The following CAPS2 variants were observed in gnomAD, a reference collection of about 807,000 sequenced individuals.
The protein encoded by CAPS2 is calcyphosine 2, also known as calcyphosin-2.
CAPS2 carries 98 observed loss-of-function variants against 86.5 expected under a neutral mutation model. The observed-to-expected ratio is 1.13, with a 90% confidence interval of 0.96 to 1.34. The LOEUF (loss-of-function observed/expected upper bound fraction) is 1.34. Among genes scored for constraint, CAPS2 ranks in the 40% most tolerant of loss-of-function variants. The pLI, the probability that CAPS2 is intolerant of heterozygous loss-of-function variation, is 0.00. For missense variants in CAPS2, 729 were observed against 686.8 expected (o/e 1.06, Z -0.69); for synonymous variants, 210 against 225.1 (o/e 0.93, Z 0.60).
chr12:75,359,615 T>C (rs1415788538), intron 1 of CAPS2, among the ~76,000 whole-genome samples: 3 of 152,086 alleles, frequency 2.0e-5, no homozygotes, highest in African/African-American at 7.2e-5. Context: ...AACATTGTGG[T>C]ATTTGCATAA....
intron 1 of CAPS2, among the ~76,000 whole-genome samples, chr12:75,358,999 A>T (rs555337078): frequency 6.9e-4 from 104 of 149,766 alleles, no homozygotes; most frequent in African/African-American, 2.5e-3. Flanking sequence ...ATAGAAAAAC[A>T]GACCATAGGA....
At chr12:75,290,490 A>G (rs1593254169) in intron 13 of CAPS2, among the ~76,000 whole-genome samples, 1 of 152,212 alleles carries the variant, frequency 6.6e-6, no homozygotes, top group East Asian at 1.9e-4. Flanking sequence ...TGTATTGACA[A>G]TGATATAATA....
chr12:75,350,332 A>G (rs1328375468), intron 1 of CAPS2, among the ~76,000 whole-genome samples: 1 of 152,224 alleles, frequency 6.6e-6, no homozygotes, highest in Non-Finnish European at 1.5e-5. Flanking sequence ...GAGTCTGGGT[A>G]GTCTGGACAA....
chr12:75,326,499 T>C (rs1052672741), upstream of CAPS2: 1 of 1,532,802 alleles, frequency 6.5e-7, no homozygotes, highest in Non-Finnish European at 8.8e-7. Flanking sequence ...CTAAATCCAT[T>C]TGAGTTCCTG....
intron 5 of CAPS2, among the ~76,000 whole-genome samples, chr12:75,320,035 T>TA (rs1446631902): frequency 2.0e-5 from 3 of 152,076 alleles, no homozygotes; most frequent in Non-Finnish European, 4.4e-5. Flanking sequence ...ATAAGACCAC[T>TA]AAAAACATAT....
chr12:75,309,657 G>A (rs1312440891), intron 7 of CAPS2, among the ~76,000 whole-genome samples: 3 of 152,220 alleles, frequency 2.0e-5, no homozygotes, highest in Non-Finnish European at 4.4e-5. Flanking sequence ...AATTTATTGA[G>A]TTATTTCAAT....
At chr12:75,302,585 G>T (rs2037948100) in intron 8 of CAPS2, among the ~76,000 whole-genome samples, 2 of 152,128 alleles carry the variant, frequency 1.3e-5, no homozygotes, top group Admixed American at 6.6e-5. Flanking sequence ...TTTTGAGACA[G>T]ATATAATCAA....
intron 1 of CAPS2, among the ~76,000 whole-genome samples, chr12:75,362,065 A>G (rs2043632706): frequency 6.6e-6 from 1 of 152,190 alleles, no homozygotes; most frequent in Non-Finnish European, 1.5e-5. Flanking sequence ...GACACTGTTA[A>G]GAGAATGAAA....
chr12:75,322,172 C>T (rs532108908), intron 4 of CAPS2, among the ~76,000 whole-genome samples: 1 of 152,136 alleles, frequency 6.6e-6, no homozygotes, highest in African/African-American at 2.4e-5. Flanking sequence ...TACGTGCTTA[C>T]AGAAACCTTC....
chr12:75,304,780 T>A (rs765857472), exon 8 of CAPS2: 1 of 1,601,124 alleles, frequency 6.2e-7, no homozygotes, highest in East Asian at 2.2e-5. Context: ...GTGTTCTTTT[T>A]CTAAATCGAA....
intron 11 of CAPS2, chr12:75,294,985 G>A (rs2036641053): frequency 6.6e-6 from 1 of 152,212 alleles, no homozygotes; most frequent in South Asian, 2.1e-4. Flanking sequence ...AAATGGGGGA[G>A]GTTGTAAATG....
intron 1 of CAPS2, among the ~76,000 whole-genome samples, chr12:75,358,994 A>C (rs1025228927): frequency 6.7e-6 from 1 of 149,494 alleles, no homozygotes; most frequent in Non-Finnish European, 1.5e-5. Flanking sequence ...AAAATATAGA[A>C]AAACAGACCA....
At chr12:75,358,486 A>C (rs1438068707) in intron 1 of CAPS2, among the ~76,000 whole-genome samples, 2 of 151,394 alleles carry the variant, frequency 1.3e-5, no homozygotes, top group Non-Finnish European at 3.0e-5. Context: ...ATAGATTCAG[A>C]AAAAGCCAAA....
At chr12:75,347,708 C>G (rs1226035137) in intron 1 of CAPS2, 1 of 1,594,902 alleles carries the variant, frequency 6.3e-7, no homozygotes, top group Middle Eastern at 1.7e-4. Context: ...TATTTGTATG[C>G]AACTACGGAC....
chr12:75,350,333 G>T (rs1418580298), intron 1 of CAPS2, among the ~76,000 whole-genome samples: 1 of 152,228 alleles, frequency 6.6e-6, no homozygotes, highest in Admixed American at 6.5e-5. Flanking sequence ...AGTCTGGGTA[G>T]TCTGGACAAG....
intron 1 of CAPS2, among the ~76,000 whole-genome samples, chr12:75,386,110 C>A (rs1420248980): frequency 2.0e-5 from 3 of 151,930 alleles, no homozygotes; most frequent in Non-Finnish European, 4.4e-5. Flanking sequence ...TTTAATGTAA[C>A]CCCAATCAAA....
chr12:75,390,730 T>C, intron 1 of CAPS2: 2 of 472,558 alleles, frequency 4.2e-6, no homozygotes, highest in Non-Finnish European at 8.8e-6. Context: ...GCAATTGGCA[T>C]TTACCATACA....
chr12:75,277,642 GA>G, exon 17 of CAPS2: 3 of 984,574 alleles, frequency 3.0e-6, no homozygotes, highest in Non-Finnish European at 3.6e-6. Context: ...GTGCAACTTT[GA>G]ATTTGTTGGG....
intron 1 of CAPS2, among the ~76,000 whole-genome samples, chr12:75,350,606 A>G (rs1431474663): frequency 6.6e-6 from 1 of 152,192 alleles, no homozygotes; most frequent in African/African-American, 2.4e-5. Context: ...CAGCAGCCCT[A>G]CAGAAAAGGG....
Sources: gnomAD v4.1 joint callset for allele counts (sites outside exome capture counted in the v4.1 genomes callset) on GRCh38, gnomAD v4.1.1 for gene constraint, MANE v1.5 for transcripts, NCBI Gene and HGNC (gene_info 2026-07-23, HGNC 2026-07-21) for gene names.